The following PLAGL1 variants were observed in gnomAD, a reference collection of about 807,000 sequenced individuals.
PLAGL1 encodes the protein zinc finger protein PLAGL1.
PLAGL1 carries 1 observed loss-of-function variant against 4.6 expected under a neutral mutation model. The ratio of observed to expected loss-of-function variants is 0.22; its 90% CI spans 0.08 to 1.03. The LOEUF is 1.03. Ranked by LOEUF, PLAGL1 falls within the 50% of genes least tolerant of loss-of-function variation. The pLI is 0.58. For missense variants in PLAGL1, 464 were observed against 570.4 expected, an observed-to-expected ratio of 0.81 and a Z score of 1.90; for synonymous variants, 240 against 237.8, an observed-to-expected ratio of 1.01 and a Z score of -0.08.
chr6:144,019,203 T>A (rs1795787078), intron 1 of PLAGL1, among the ~76,000 whole-genome samples: 1 of 151,730 alleles, frequency 6.6e-6, no homozygotes, highest in South Asian at 2.1e-4. Context: ...GGCCAGGCAC[T>A]GTGGCTCATG....
chr6:143,986,040 G>A (rs1789081017), intron 1 of PLAGL1, among the ~76,000 whole-genome samples: 1 of 133,800 alleles, frequency 7.5e-6, no homozygotes, highest in African/African-American at 2.8e-5. Context: ...AACCTTTGAT[G>A]TATGCACATT....
Position 143,949,558 on chromosome 6 carries a change from G to A in PLAGL1, c.-324-1098C>T, listed in dbSNP as rs941314117. Among the ~76,000 whole-genome samples, 3 of 152,184 alleles carry A rather than the reference G, an allele frequency of 2.0e-5. No individual in the cohort carries two copies. Among genetic ancestry groups the A allele is most frequent in the African/African-American group, 7.2e-5 (3 of 41,452 alleles). Reference sequence around the variant, plus strand: ...AATCGGCCTCTACCTGCCACTACCTGCCAGGGTAAAGCCCTGGATCACTAC... The same window carrying A: ...AATCGGCCTCTACCTGCCACTACCTACCAGGGTAAAGCCCTGGATCACTAC... On this transcript the variant is annotated intron_variant, in intron 6 of 7. Coordinates refer to ENST00000674357, the MANE Select transcript of PLAGL1 (RefSeq NM_001317162.2). The surrounding 1 kb of genome is among the most constrained non-coding windows in gnomAD (Gnocchi z 5.3).
At chr6:144,020,341 G>A (rs1316682549) in intron 1 of PLAGL1, among the ~76,000 whole-genome samples, 1 of 152,124 alleles carries the variant, frequency 6.6e-6, no homozygotes, top group South Asian at 2.1e-4. Context: ...AGGCTGGAGT[G>A]CAATGGTGCA....
rs2223498 is a variant in PLAGL1, at chr6:144,063,267, C to T, written c.-151+1201G>A. ...CCCTATTTCACCTCTATTACAAGTT[C>T]TCTGGGGCCACTTTACAGATGATAA... On this transcript the variant is annotated intron_variant, in intron 1 of 3. Transcript: ENST00000437412. This position sits in a 1 kb window ranked among gnomAD's most constrained non-coding sequence, Gnocchi z 5.7. 0.17 allele frequency among the ~76,000 whole-genome samples: 26,207 copies of T among 152,158 alleles called. 2,373 individuals carry two copies. Among genetic ancestry groups the T allele is most frequent in the East Asian group, 0.35 (1,793 of 5,168 alleles).
chr6:143,989,445 C>G lies in PLAGL1; in HGVS notation c.-583-4271G>C, dbSNP rs1382000449. On this transcript the variant is annotated intron_variant, in intron 1 of 7. Coordinates refer to ENST00000674357, the MANE Select transcript of PLAGL1 (RefSeq NM_001317162.2). This position sits in a 1 kb window ranked among gnomAD's most constrained non-coding sequence, Gnocchi z 4.8. ...GGCATCATCCAATCCACTGAGGGCC[C>G]GAATAGAACAAAAAGGTGGAAGGAG... Among the ~76,000 whole-genome samples, 1 of 152,136 alleles carries G rather than the reference C, an allele frequency of 6.6e-6. No homozygotes were observed. The highest frequency in any genetic ancestry group is 2.4e-5 in the African/African-American group (1 of 41,428).
chr6:143,968,935 AGATGT>A lies in PLAGL1; in HGVS notation c.-505_-501del, dbSNP rs1784915389. The A allele has an allele frequency of 2.0e-5, 3 of 152,168 alleles. No individual in the cohort carries two copies. The highest frequency in any genetic ancestry group is 2.0e-4 in the Admixed American group (3 of 15,284). 9.4% of individuals were successfully genotyped at this position (152,168 alleles called of 1,614,324 possible). On this transcript the variant is annotated 5_prime_UTR_variant, in exon 3 of 8. The change creates a premature stop within an existing upstream ORF in the 5' untranslated region. Transcript: ENST00000674357. This position sits in a 1 kb window ranked among gnomAD's most constrained non-coding sequence, Gnocchi z 6.3. ...TCTAAGTGAGGTACAGATGAGTTTC[AGATGT>A]GACACGAGGCAGCAGCCACATTAGA...
intron 1 of PLAGL1, among the ~76,000 whole-genome samples, chr6:144,024,678 C>T (rs867142893): frequency 6.6e-6 from 1 of 152,088 alleles, no homozygotes; most frequent in African/African-American, 2.4e-5. Context: ...ACTTGAGCAT[C>T]CTGAATACCA....
rs770217385 is a variant in PLAGL1 at position 143,947,861 on chromosome 6, T to C, written c.152+124A>G. The stretch of plus-strand genomic sequence containing the variant: ...AATCACTGGATGCAGATTTCAAGAA[T>C]CCCTCAAAGGCTAAAATGCATCCAT... On this transcript the variant is annotated intron_variant, in intron 7 of 7. Coordinates refer to ENST00000674357, the MANE Select transcript of PLAGL1 (RefSeq NM_001317162.2). This position sits in a 1 kb window ranked among gnomAD's most constrained non-coding sequence, Gnocchi z 4.3. The C allele has an allele frequency of 1.7e-5, 12 of 702,074 alleles. No homozygotes were observed. The highest frequency in any genetic ancestry group is 1.7e-4 in the Admixed American group (6 of 35,566). The allele number at this position is 702,074 out of a possible 1,614,324, so 43.5% of individuals were successfully genotyped here. A position where few individuals can be genotyped will look rare whatever the true frequency, so the allele number is the denominator to read the frequency against.
chr6:144,013,067 G>A (rs1281099734), upstream of PLAGL1, among the ~76,000 whole-genome samples: 2 of 152,190 alleles, frequency 1.3e-5, no homozygotes, highest in East Asian at 1.9e-4. The surrounding 1 kb of genome is among the most constrained non-coding windows in gnomAD (Gnocchi z 4.4). Context: ...GGTTGCCAGC[G>A]TGGTCACTGT....
At position 143,985,936 on chromosome 6, in the gene PLAGL1, TAA is replaced by T. The variant is rs1788948886; in HGVS notation, c.-583-764_-583-763del. On this transcript the variant is annotated intron_variant, in intron 1 of 7. Transcript: ENST00000674357. The surrounding 1 kb of genome is among the most constrained non-coding windows in gnomAD (Gnocchi z 4.4). ...GTGTGTGTATACACACACATATATA[TAA>T]AAGATATATATACACATATATATCA... 7.1e-6 allele frequency among the ~76,000 whole-genome samples: 1 copy of T among 140,430 alleles called. No individual in the cohort carries two copies. The highest frequency in any genetic ancestry group is 2.6e-5 in the African/African-American group (1 of 38,584). The allele number at this position is 140,430 out of a possible 152,430, so 92.1% of individuals were successfully genotyped here.
In PLAGL1 at chr6:143,966,461, C is replaced by G. The variant is rs1784440715; in HGVS notation, c.-471-263G>C. On this transcript the variant is annotated intron_variant, in intron 3 of 7. Coordinates refer to ENST00000674357, the MANE Select transcript of PLAGL1 (RefSeq NM_001317162.2). The surrounding 1 kb of genome is among the most constrained non-coding windows in gnomAD (Gnocchi z 6.0). ...GTTCAGTATAAAACTGTTCACAGAG[C>G]ATTCTAAATCTTCCCTGACTCAGCA... 1.3e-5 allele frequency: 2 copies of G among 152,172 alleles called. No individual in the cohort carries two copies. The highest frequency in any genetic ancestry group is 2.1e-4 in the South Asian group (1 of 4,834). The allele number at this position is 152,172 out of a possible 1,614,324, so 9.4% of individuals were successfully genotyped here. A position where few individuals can be genotyped will look rare whatever the true frequency, so the allele number is the denominator to read the frequency against.
chr6:144,029,666 G>A (rs1295286476), intron 1 of PLAGL1, among the ~76,000 whole-genome samples: 1 of 152,142 alleles, frequency 6.6e-6, no homozygotes, highest in Admixed American at 6.5e-5. Flanking sequence ...TTTGGAGAAA[G>A]GCACTCTCAT....
chr6:144,019,420 C>T lies in PLAGL1; in HGVS notation c.-151+45048G>A, dbSNP rs558506073. Among the ~76,000 whole-genome samples the T allele has an allele frequency of 2.0e-4, 31 of 151,682 alleles. 1 individual carries two copies. In the South Asian group the frequency reaches 4.4e-3, roughly 22 times the overall value. On this transcript the variant is annotated intron_variant, in intron 1 of 3. Coordinates refer to the PLAGL1 transcript ENST00000437412. ...CTGGGAGGCGGAGGTTGCAATGAGC[C>T]GATATGGCGCCACTGCACTCCAGCC... is the stretch of plus-strand genomic sequence containing the variant.
intron 1 of PLAGL1, among the ~76,000 whole-genome samples, chr6:144,058,570 A>C (rs1799159118): frequency 6.6e-6 from 1 of 152,128 alleles, no homozygotes; most frequent in Non-Finnish European, 1.5e-5. Flanking sequence ...GAGACTCATG[A>C]CCTTCCATTT....
chr6:144,057,166 G>C (rs142448664), intron 1 of PLAGL1, among the ~76,000 whole-genome samples: 1 of 152,292 alleles, frequency 6.6e-6, no homozygotes, highest in East Asian at 1.9e-4. Flanking sequence ...ATGGTTAAGA[G>C]TATGTATAGT....
At chr6:143,943,350 A>C (rs1034918457) in intron 7 of PLAGL1, among the ~76,000 whole-genome samples, 4 of 152,138 alleles carry the variant, frequency 2.6e-5, no homozygotes, top group Non-Finnish European at 5.9e-5. Flanking sequence ...CCCCAGTTTT[A>C]GGTTATTGTT....
In PLAGL1 at chr6:143,985,081, G is replaced by C. The variant is rs1422960034; in HGVS notation, c.-544+54C>G. On this transcript the variant is annotated intron_variant, in intron 2 of 7. Coordinates refer to ENST00000674357, the MANE Select transcript of PLAGL1 (RefSeq NM_001317162.2). The surrounding 1 kb of genome is among the most constrained non-coding windows in gnomAD (Gnocchi z 4.4). ...CTAAAAAACCATTATCAAGTTATTA[G>C]AGAAGACAAGGTATTGGGGGAAGAG... The C allele has an allele frequency of 1.3e-5, 2 of 152,172 alleles. No individual in the cohort carries two copies. The highest frequency in any genetic ancestry group is 2.9e-5 in the Non-Finnish European group (2 of 68,010). The allele number at this position is 152,172 out of a possible 1,614,324, so 9.4% of individuals were successfully genotyped here.
chr6:143,951,004 A>G (rs999865766), intron 6 of PLAGL1, among the ~76,000 whole-genome samples: 13 of 152,244 alleles, frequency 8.5e-5, no homozygotes, highest in Non-Finnish European at 1.5e-4. Context: ...CTTGGACACA[A>G]CTGTGCTACT....
At chr6:144,046,929 G>A (rs1227242555) in intron 1 of PLAGL1, among the ~76,000 whole-genome samples, 7 of 152,218 alleles carry the variant, frequency 4.6e-5, no homozygotes, top group Admixed American at 3.9e-4. Flanking sequence ...CAGCCAGGCT[G>A]CCACCTCACA....
Sources: allele counts gnomAD v4.1 joint callset (sites outside exome capture counted in the v4.1 genomes callset), GRCh38; gene constraint gnomAD v4.1.1; non-coding constraint Gnocchi (gnomAD v3.1); transcripts MANE v1.5; gene names NCBI Gene and HGNC (gene_info 2026-07-23, HGNC 2026-07-21).